The following DAB1 variants were observed in gnomAD, a reference collection of about 807,000 sequenced individuals.
DAB1 encodes DAB adaptor protein 1, also known as disabled homolog 1.
A neutral mutation model predicts 64.6 loss-of-function variants in DAB1; 15 were observed. That is an observed-to-expected ratio of 0.23 (90% CI 0.16 to 0.36). The LOEUF is 0.36. Among genes scored for constraint, DAB1 ranks in the 10% least tolerant of loss-of-function variants. The pLI is 1.00. For missense variants in DAB1, 596 were observed against 706.7 expected (o/e 0.84, Z 1.78); for synonymous variants, 235 against 251.9 (o/e 0.93, Z 0.64).
At chr1:57,888,779 C>A (rs1379752857), upstream of DAB1, among the ~76,000 whole-genome samples, 2 of 152,136 alleles carry the variant, frequency 1.3e-5, no homozygotes, top group East Asian at 3.9e-4. Context: ...TAATCTGCAT[C>A]AACATCTGAA....
At position 57,501,220 on chromosome 1, in the gene DAB1, G is replaced by T. The variant is rs1644285813; in HGVS notation, n.625+148372C>A. On this transcript the variant is annotated intron_variant and non_coding_transcript_variant, in intron 7 of 20. Transcript: ENST00000485760. ...AGAGCTTTCTCACCTTTCTTGAAAC[G>T]CTGTCCTGAGACCTCCTTGTAAGAA... 3.3e-5 allele frequency among the ~76,000 whole-genome samples: 5 copies of T among 152,192 alleles called. No individual in the cohort carries two copies. In the South Asian group the frequency reaches 1.0e-3, roughly 32 times the overall value.
At chr1:57,420,497 C>G (rs1415962441) in intron 1 of DAB1, among the ~76,000 whole-genome samples, 1 of 152,200 alleles carries the variant, frequency 6.6e-6, no homozygotes, top group South Asian at 2.1e-4. Context: ...ATTCCTGACT[C>G]TTAGTAGTAC....
chr1:58,254,439 T>G, intron 4 of DAB1, among the ~76,000 whole-genome samples: 1 of 144,572 alleles, frequency 6.9e-6, no homozygotes. Flanking sequence ...CATGTGCACA[T>G]TGTGCAGGTT....
intron 4 of DAB1, among the ~76,000 whole-genome samples, chr1:58,275,012 G>A (rs992389783): frequency 5.3e-5 from 8 of 152,038 alleles, no homozygotes; most frequent in East Asian, 1.9e-4. Flanking sequence ...GTTCCTATTC[G>A]GCCATCTTGG....
chr1:58,117,106 T>C (rs1020620510), intron 5 of DAB1, among the ~76,000 whole-genome samples: 2 of 152,216 alleles, frequency 1.3e-5, no homozygotes, highest in Non-Finnish European at 1.5e-5. Context: ...ACAGTATTGT[T>C]TCTGCCACTC....
chr1:57,786,808 CT>C (rs1241647668), intron 6 of DAB1, among the ~76,000 whole-genome samples: 1 of 152,086 alleles, frequency 6.6e-6, no homozygotes, highest in Non-Finnish European at 1.5e-5. Flanking sequence ...AGAGATAGCT[CT>C]ATCTGAGCAA....
At chr1:58,048,148 T>A (rs965370154) in intron 5 of DAB1, 10 of 1,259,974 alleles carry the variant, frequency 7.9e-6, no homozygotes, top group Non-Finnish European at 1.1e-5. Flanking sequence ...CTCTGGCTCT[T>A]CTCTCCTGCT....
chr1:57,155,506 A>G (rs1660128989), intron 2 of DAB1, among the ~76,000 whole-genome samples: 1 of 150,948 alleles, frequency 6.6e-6, no homozygotes, highest in East Asian at 2.0e-4. Context: ...TCTGCTTAGG[A>G]TGGCTTTAGA....
chr1:58,297,380 C>T (rs999039676), intron 4 of DAB1, among the ~76,000 whole-genome samples: 2 of 152,106 alleles, frequency 1.3e-5, no homozygotes, highest in Admixed American at 1.3e-4. Context: ...ATAAATATCC[C>T]CTGCCCTCGA....
intron 7 of DAB1, among the ~76,000 whole-genome samples, chr1:57,530,357 T>C (rs765557881): frequency 6.6e-6 from 1 of 152,182 alleles, no homozygotes; most frequent in Non-Finnish European, 1.5e-5. Context: ...CATTTCCCTC[T>C]AGGATCCAAG....
chr1:58,304,716 T>C lies in DAB1; in HGVS notation n.309+38636A>G, dbSNP rs55755404. Among the ~76,000 whole-genome samples the C allele has an allele frequency of 6.1e-3, 930 of 152,262 alleles. 8 individuals carry two copies. The highest frequency in any genetic ancestry group is 0.022 in the South Asian group (104 of 4,820). ...AGAATCACCAGAAGCTTGCTAAAAT[T>C]AGAGATCACAGGACCCCAGCTGACT... On this transcript the variant is annotated intron_variant and non_coding_transcript_variant, in intron 4 of 20. Coordinates refer to the DAB1 transcript ENST00000485760.
intron 2 of DAB1, among the ~76,000 whole-genome samples, chr1:57,255,006 T>C (rs768985809): frequency 6.6e-6 from 1 of 152,188 alleles, no homozygotes; most frequent in African/African-American, 2.4e-5. Flanking sequence ...GACTACTATT[T>C]TTTTTCTTTT....
At chr1:57,810,683 G>A (rs1488957450) in intron 6 of DAB1, among the ~76,000 whole-genome samples, 1 of 152,090 alleles carries the variant, frequency 6.6e-6, no homozygotes, top group East Asian at 1.9e-4. Flanking sequence ...CCAATACCAA[G>A]ATATGTTACC....
At chr1:57,343,247 T>C (rs1677783325) in intron 1 of DAB1, among the ~76,000 whole-genome samples, 1 of 152,162 alleles carries the variant, frequency 6.6e-6, no homozygotes, top group African/African-American at 2.4e-5. Flanking sequence ...TCACAAACCC[T>C]GAGCTAGACA....
rs115298160 is a variant in DAB1, at chr1:57,026,242, C to T, written c.724-199G>A. ...ATGCAGCCAGAATCAATTCTTGCTT[C>T]CTTGCATCTGGCTATTTATCTAGGC... is the stretch of plus-strand genomic sequence containing the variant. On this transcript the variant is annotated intron_variant, in intron 9 of 14. Transcript: ENST00000371236. 8.1e-3 allele frequency among the ~76,000 whole-genome samples: 1,228 copies of T among 152,290 alleles called. 21 individuals carry two copies. The highest frequency in any genetic ancestry group is 0.028 in the African/African-American group (1,145 of 41,546).
At chr1:57,448,984 T>C (rs1378829386) in intron 7 of DAB1, among the ~76,000 whole-genome samples, 1 of 152,206 alleles carries the variant, frequency 6.6e-6, no homozygotes, top group Non-Finnish European at 1.5e-5. Flanking sequence ...TGTGCTCGAC[T>C]TTGGACTTGG....
chr1:57,860,748 C>A (rs1386539787), intron 1 of DAB1: 2 of 152,160 alleles, frequency 1.3e-5, no homozygotes, highest in Non-Finnish European at 2.9e-5. Context: ...GGACAGGCAC[C>A]AAATGGGGAC....
chr1:57,902,836 C>T (rs1216894996), intron 5 of DAB1, among the ~76,000 whole-genome samples: 1 of 152,100 alleles, frequency 6.6e-6, no homozygotes, highest in Non-Finnish European at 1.5e-5. Context: ...TATCCTTTTC[C>T]CAAACAACTT....
At chr1:58,455,781 T>C (rs1645187833) in intron 3 of DAB1, among the ~76,000 whole-genome samples, 1 of 152,230 alleles carries the variant, frequency 6.6e-6, no homozygotes, top group South Asian at 2.1e-4. Context: ...AATTGGACGG[T>C]TGATTCTGAT....
Sources: allele counts gnomAD v4.1 joint callset (sites outside exome capture counted in the v4.1 genomes callset), GRCh38; gene constraint gnomAD v4.1.1; transcripts MANE v1.5; gene names NCBI Gene and HGNC (gene_info 2026-07-23, HGNC 2026-07-21).